Variants in OTUD4 observed in about 807,000 individuals in gnomAD.
The protein encoded by OTUD4 is OTU deubiquitinase 4, also known as OTU domain-containing protein 4.
A neutral mutation model predicts 130.4 loss-of-function variants in OTUD4; 24 were observed. That is an observed-to-expected ratio of 0.18 (90% CI 0.13 to 0.26). OTUD4 has a LOEUF of 0.26. OTUD4 is among the 10% of genes least tolerant of loss of function. The pLI, the probability that OTUD4 is intolerant of heterozygous loss-of-function variation, is 1.00. For missense variants in OTUD4, 1,031 were observed against 1,329.4 expected, an observed-to-expected ratio of 0.78 and a Z score of 3.49; for synonymous variants, 420 against 472.5, an observed-to-expected ratio of 0.89 and a Z score of 1.44.
In OTUD4 at chr4:145,180,197, G is replaced by A. The variant is rs998226550; in HGVS notation, c.-224C>T. On this transcript the variant is annotated 5_prime_UTR_variant, in exon 1 of 21. Coordinates refer to ENST00000447906, the MANE Select transcript of OTUD4 (RefSeq NM_001366057.1). ...CTGTCCGCACGCGGCCGCCTCCTCG[G>A]AGCGAACACGCGCCCACGACAAACG... The A allele has an allele frequency of 1.8e-5, 3 of 170,630 alleles. No individual in the cohort carries two copies. The highest frequency in any genetic ancestry group is 7.2e-5 in the African/African-American group (3 of 41,782). 10.6% of individuals were successfully genotyped at this position (170,630 alleles called of 1,614,324 possible). A position where few individuals can be genotyped will look rare whatever the true frequency, so the allele number is the denominator to read the frequency against.
chr4:145,161,109 CA>C (rs1751539883), intron 6 of OTUD4, among the ~76,000 whole-genome samples: 2 of 128,658 alleles, frequency 1.6e-5, no homozygotes, highest in African/African-American at 3.3e-5. Context: ...CACTCCACCT[CA>C]AAACAACAAC....
intron 5 of OTUD4, 88 bp downstream of exon 5, chr4:145,164,066 T>G (rs1223183654): frequency 7.7e-6 from 5 of 648,104 alleles, no homozygotes; most frequent in Non-Finnish European, 1.4e-5. Context: ...TTTCAAAAAA[T>G]CATTTAAAAT....
chr4:145,142,360 A>C (rs1374825103), intron 17 of OTUD4, 26 bp from the exon 18 acceptor site: 1 of 1,606,742 alleles, frequency 6.2e-7, no homozygotes, highest in South Asian at 1.1e-5. Flanking sequence ...GAGTGGGGGA[A>C]GACAGAAAAA....
chr4:145,172,779 A>G (rs1327631334), intron 2 of OTUD4, among the ~76,000 whole-genome samples: 1 of 152,150 alleles, frequency 6.6e-6, no homozygotes, highest in African/African-American at 2.4e-5. Flanking sequence ...AGAGCCATAT[A>G]TATTAAAGAG....
chr4:145,164,926 C>T (rs527692127), intron 4 of OTUD4, among the ~76,000 whole-genome samples: 1 of 151,868 alleles, frequency 6.6e-6, no homozygotes, highest in South Asian at 2.1e-4. Context: ...GAACATAGAC[C>T]GGAAAAATTT....
chr4:145,140,305 T>C (rs1158203533), intron 19 of OTUD4, among the ~76,000 whole-genome samples: 1 of 152,154 alleles, frequency 6.6e-6, no homozygotes, highest in African/African-American at 2.4e-5. Context: ...TCAACTTTTC[T>C]GGGGGTTTAA....
Position 145,137,728 on chromosome 4 carries a change from A to T in OTUD4, c.3047T>A (p.Val1016Glu). 5 of 1,613,930 alleles carry T rather than the reference A, an allele frequency of 3.1e-6. No individual in the cohort carries two copies. Among genetic ancestry groups the T allele is most frequent in the Non-Finnish European group, 4.2e-6 (5 of 1,179,998 alleles). The change falls in exon 21 of 21, where the codon GTG becomes GAG. Residue 1016 changes from valine to glutamate, a missense_variant. Val to Glu is a moderately radical substitution (Grantham distance 121). Transcript: ENST00000447906. The stretch of plus-strand genomic sequence containing the variant: ...TGAACTCTCTTCTTTTGGTCTTTGC[A>T]CTCTGCTATCAACAGAGTTGGCCCC... ...SPGANSVDSR[V>E]QRPKEESSED...
rs1752630330 is a variant in OTUD4 at position 145,180,254 on chromosome 4, T to G, written c.-281A>C. The G allele has an allele frequency of 6.5e-6, 1 of 154,380 alleles. No individual in the cohort carries two copies. Among genetic ancestry groups the G allele is most frequent in the African/African-American group, 2.4e-5 (1 of 40,912 alleles). 9.6% of individuals were successfully genotyped at this position (154,380 alleles called of 1,614,324 possible). The stretch of plus-strand genomic sequence containing the variant: ...GCGGGATTAAGGAAAACCCCGAGAG[T>G]GAGTAGTCACTTCCCGACGGCCTCG... On this transcript the variant is annotated 5_prime_UTR_variant, in exon 1 of 21. Transcript: ENST00000447906.
rs1009529791 is a variant in OTUD4, at chr4:145,136,150, TAC to T, written c.*1278_*1279del. 17 of 152,666 alleles carry T rather than the reference TAC, an allele frequency of 1.1e-4. No homozygotes were observed. Among genetic ancestry groups the T allele is most frequent in the East Asian group, 3.9e-4 (2 of 5,176 alleles). The allele number at this position is 152,666 out of a possible 1,614,324, so 9.5% of individuals were successfully genotyped here. ...GTATGCACAAATAAAGAATATAAGC[TAC>T]AGTTATTTTTACAAAATAACACAGA... On this transcript the variant is annotated 3_prime_UTR_variant, in exon 21 of 21. Coordinates refer to ENST00000447906, the MANE Select transcript of OTUD4 (RefSeq NM_001366057.1).
intron 16 of OTUD4, 100 bp downstream of exon 16, chr4:145,143,846 T>TA: frequency 2.3e-6 from 2 of 855,808 alleles, no homozygotes; most frequent in Non-Finnish European, 3.8e-6. Context: ...TACACAGCTA[T>TA]AAAATTTCGA....
Position 145,135,059 on chromosome 4 carries a change from G to A in OTUD4, c.*2371C>T. The stretch of plus-strand genomic sequence containing the variant: ...CCTCAGCATAAGGCAAAATCCCCTG[G>A]ACTAATACATTTAAAAACAAACTTA... On this transcript the variant is annotated 3_prime_UTR_variant, in exon 21 of 21. Coordinates refer to ENST00000447906, the MANE Select transcript of OTUD4 (RefSeq NM_001366057.1). 2.9e-6 allele frequency: 1 copy of A among 349,800 alleles called. No individual in the cohort carries two copies. The highest frequency in any genetic ancestry group is 5.1e-6 in the Non-Finnish European group (1 of 197,766). 21.7% of individuals were successfully genotyped at this position (349,800 alleles called of 1,614,324 possible).
In OTUD4 at chr4:145,159,587, C is replaced by T. The variant is rs766969330; in HGVS notation, c.545G>A (p.Ser182Asn). The T allele has an allele frequency of 3.7e-6, 6 of 1,613,200 alleles. No individual in the cohort carries two copies. Among genetic ancestry groups the T allele is most frequent in the Non-Finnish European group, 5.1e-6 (6 of 1,179,340 alleles). The change falls in exon 7 of 21, where the codon AGT (serine) becomes AAT (asparagine). Residue 182 changes from serine (S) to asparagine (N), a missense_variant. This residue lies in a region of OTUD4 where 900 missense variants were observed against 1,095.9 expected (regional missense o/e 0.82). Coordinates refer to ENST00000447906, the MANE Select transcript of OTUD4 (RefSeq NM_001366057.1). ...CGTGTCTAGTTCCATCACAATTTTA[C>T]TAACATCAGTTTTAAATACCTTCTC... ...LYEKVFKTDVSKIVMELDTLE... is the reference protein window; with the variant it reads ...LYEKVFKTDVNKIVMELDTLE...
chr4:145,153,649 T>TA (rs528052178), intron 10 of OTUD4, among the ~76,000 whole-genome samples: 63 of 152,314 alleles, frequency 4.1e-4, no homozygotes, highest in African/African-American at 1.5e-3. Flanking sequence ...AAATCCATGA[T>TA]AAAAGAGTAA....
chr4:145,171,663 G>A lies in OTUD4; in HGVS notation c.294+7C>T, dbSNP rs758195079. On this transcript the variant is annotated splice_region_variant and intron_variant, in intron 3 of 20. Coordinates refer to ENST00000447906, the MANE Select transcript of OTUD4 (RefSeq NM_001366057.1). ...AAATAGAAATATACTAGAAGACTGT[G>A]ACATACCTGTGGATTTTCCAAACGC... is the stretch of plus-strand genomic sequence containing the variant. The A allele has an allele frequency of 4.9e-6, 6 of 1,236,070 alleles. No homozygotes were observed. The highest frequency in any genetic ancestry group is 7.1e-6 in the Non-Finnish European group (6 of 839,924). 76.6% of individuals were successfully genotyped at this position (1,236,070 alleles called of 1,614,324 possible).
At chr4:145,165,272 C>T (rs1346816086) in intron 3 of OTUD4, 75 bp from the exon 4 acceptor site, 22 of 864,558 alleles carry the variant, frequency 2.5e-5, no homozygotes, top group South Asian at 7.2e-5. Flanking sequence ...CTATACATAC[C>T]TTCATACAGC....
At chr4:145,179,577 A>G in intron 1 of OTUD4, 1 of 1,348,516 alleles carries the variant, frequency 7.4e-7, no homozygotes. Context: ...TCAACTCATT[A>G]CCTCTTCATC....
Position 145,139,921 on chromosome 4 carries a change from A to G in OTUD4, c.2124+30T>C, listed in dbSNP as rs1007985779. On this transcript the variant is annotated intron_variant, in intron 20 of 20. Transcript: ENST00000447906. ...ATTTAAAACACTATTAATGAATAAA[A>G]TAACTTTTAAGATGATAAAATGTAA... The G allele has an allele frequency of 1.4e-5, 10 of 701,558 alleles. No homozygotes were observed. In the South Asian group the frequency reaches 1.5e-4, roughly 11 times the overall value. The allele number at this position is 701,558 out of a possible 1,614,324, so 43.5% of individuals were successfully genotyped here. A position where few individuals can be genotyped will look rare whatever the true frequency, so the allele number is the denominator to read the frequency against.
At chr4:145,177,920 C>T (rs1235220273) in intron 1 of OTUD4, among the ~76,000 whole-genome samples, 3 of 152,162 alleles carry the variant, frequency 2.0e-5, no homozygotes, top group African/African-American at 7.2e-5. Flanking sequence ...GGAAGCCTGA[C>T]GCTGGTATTA....
At position 145,150,706 on chromosome 4, in the gene OTUD4, T is replaced by C; in HGVS notation, c.1073-7A>G. 1 of 1,607,130 alleles carries C rather than the reference T, an allele frequency of 6.2e-7. No homozygotes were observed. Among genetic ancestry groups the C allele is most frequent in the Non-Finnish European group, 8.5e-7 (1 of 1,174,266 alleles). ...GGCCCTCTGTAATCCACATCTGTTG[T>C]AAGAACCCAAAAGTACATGATAATA... On this transcript the variant is annotated splice_region_variant and splice_polypyrimidine_tract_variant and intron_variant, in intron 12 of 20. Coordinates refer to ENST00000447906, the MANE Select transcript of OTUD4 (RefSeq NM_001366057.1).
Sources: gnomAD v4.1 joint callset for allele counts (sites outside exome capture counted in the v4.1 genomes callset) on GRCh38, gnomAD v4.1.1 for gene constraint, gnomAD v4.1.1 regional missense constraint, MANE v1.5 for transcripts, NCBI Gene and HGNC (gene_info 2026-07-23, HGNC 2026-07-21) for gene names.